Variants in SERPINC1 observed in about 807,000 individuals in gnomAD.
SERPINC1 encodes antithrombin-III.
SERPINC1 carries 12 observed loss-of-function variants against 43.4 expected under a neutral mutation model. The observed-to-expected ratio is 0.28, with a 90% CI of 0.18 to 0.45. The LOEUF (loss-of-function observed/expected upper bound fraction) is 0.45. SERPINC1 is among the 20% of genes least tolerant of loss of function. The pLI is 1.00. For synonymous variants in SERPINC1, 210 were observed against 218.9 expected (o/e 0.96, Z 0.36); for missense variants, 423 against 578.8 (o/e 0.73, Z 2.76).
rs1374621087 is a variant in SERPINC1, at chr1:173,904,072, G to A, written c.1219-7C>T. The A allele has an allele frequency of 6.2e-7, 1 of 1,613,906 alleles. No homozygotes were observed. The highest frequency in any genetic ancestry group is 8.5e-7 in the Non-Finnish European group (1 of 1,179,912). Reference sequence around the variant, plus strand: ...CACTGCCTTCTTCATTTACCTGCAGGTCACATGGGAAATAAAACTAAATTA... The same window carrying A: ...CACTGCCTTCTTCATTTACCTGCAGATCACATGGGAAATAAAACTAAATTA... On this transcript the variant is annotated splice_region_variant and splice_polypyrimidine_tract_variant and intron_variant, in intron 6 of 6. Transcript: ENST00000367698.
At chr1:173,904,466 A>G (rs1657402676) in intron 6 of SERPINC1, among the ~76,000 whole-genome samples, 1 of 152,198 alleles carries the variant, frequency 6.6e-6, no homozygotes, top group African/African-American at 2.4e-5. Flanking sequence ...TGGAGCATCA[A>G]GATCCAAGAT....
chr1:173,908,269 C>T (rs537706181), intron 5 of SERPINC1, among the ~76,000 whole-genome samples: 77 of 151,788 alleles, frequency 5.1e-4, no homozygotes, highest in African/African-American at 1.7e-3. Flanking sequence ...GCAGGTAGAT[C>T]GCCTGAGGTC....
chr1:173,906,374 CTTCTTTACTGTGGGACT>C (rs1217242266), intron 6 of SERPINC1, among the ~76,000 whole-genome samples: 3 of 152,248 alleles, frequency 2.0e-5, no homozygotes, highest in African/African-American at 7.2e-5. Flanking sequence ...ATTCAACCGT[CTTCTTTACTGTGGGACT>C]TGTCAGACCT....
At position 173,903,942 on chromosome 1, in the gene SERPINC1, G is replaced by A. The variant is rs376029223; in HGVS notation, c.1342C>T (p.Pro448Ser). ...CCCATGAAGATAATAGTGTTCAGAG[G>A]AACTTCTCTTATAAAAACCAGGAAA... ...RPFLVFIREV[P>S]LNTIIFMGRV... Residue 448 changes from proline to serine, a missense_variant, in exon 7 of 7, where the codon CCT becomes TCT. Coordinates refer to ENST00000367698, the MANE Select transcript of SERPINC1 (RefSeq NM_000488.4). The A allele has an allele frequency of 3.3e-5, 53 of 1,613,998 alleles. No individual in the cohort carries two copies. The highest frequency in any genetic ancestry group is 4.4e-5 in the Non-Finnish European group (52 of 1,180,002).
chr1:173,915,064 G>A (rs1314273640), intron 1 of SERPINC1, 145 bp from the exon 2 acceptor site: 3 of 1,518,716 alleles, frequency 2.0e-6, no homozygotes, highest in African/African-American at 1.4e-5. Context: ...CAAGTACAGG[G>A]GCCCGGGACA....
chr1:173,907,984 A>AAATAATGAT (rs1657594165), intron 5 of SERPINC1, among the ~76,000 whole-genome samples: 1 of 139,426 alleles, frequency 7.2e-6, no homozygotes, highest in Non-Finnish European at 1.5e-5. Flanking sequence ...TGCATCTCAA[A>AAATAATGAT]AATAATAATA....
chr1:173,914,789 G>A lies in SERPINC1; in HGVS notation c.172C>T (p.Pro58Ser). 6.2e-7 allele frequency: 1 copy of A among 1,614,118 alleles called. No homozygotes were observed. Among genetic ancestry groups the A allele is most frequent in the Non-Finnish European group, 8.5e-7 (1 of 1,179,948 alleles). ...TCATCCTCAGTTGCCTTCTTCTCCGGGGAGCGGTAAATGCACATGGGATTC... is the reference window on the plus strand; with the variant it reads ...TCATCCTCAGTTGCCTTCTTCTCCGAGGAGCGGTAAATGCACATGGGATTC... Reference protein sequence around the residue: ...PMNPMCIYRSPEKKATEDEGS... With the variant: ...PMNPMCIYRSSEKKATEDEGS... Residue 58 changes from proline (P) to serine (S), a missense_variant, in exon 2 of 7, where the codon CCG becomes TCG. Physicochemically the swap from Pro to Ser is moderately conservative, Grantham distance 74. Coordinates refer to ENST00000367698, the MANE Select transcript of SERPINC1 (RefSeq NM_000488.4).
At chr1:173,904,162 T>C in intron 6 of SERPINC1, 97 bp from the exon 7 acceptor site, 1 of 1,208,332 alleles carries the variant, frequency 8.3e-7, no homozygotes, top group Non-Finnish European at 1.2e-6. Context: ...TCAAATGCTT[T>C]TGTTTTCCAG....
chr1:173,905,309 C>G (rs1657447978), intron 6 of SERPINC1, among the ~76,000 whole-genome samples: 2 of 152,212 alleles, frequency 1.3e-5, no homozygotes, highest in South Asian at 4.1e-4. Context: ...TCTACTCTTG[C>G]TATTGTCTTA....
chr1:173,909,941 C>G lies in SERPINC1; in HGVS notation c.764G>C (p.Gly255Ala). The G allele has an allele frequency of 6.2e-7, 1 of 1,614,056 alleles. No individual in the cohort carries two copies. Residue 255 changes from glycine (G) to alanine (A), a missense_variant and splice_region_variant, in exon 5 of 7, where the codon GGC (glycine) becomes GCC (alanine). Physicochemically the swap from Gly to Ala is moderately conservative, Grantham distance 60 (BLOSUM62 0). Transcript: ENST00000367698. Reference protein sequence around the residue: ...LVLVNTIYFKGLWKSKFSPEN... With the variant: ...LVLVNTIYFKALWKSKFSPEN... ...AGGGCTGAACTTTGACTTCCACAGG[C>G]CCTGGAAGAGAATCACAAAGTAAGA... is the stretch of plus-strand genomic sequence containing the variant.
intron 2 of SERPINC1, among the ~76,000 whole-genome samples, chr1:173,913,267 C>T (rs1422565261): frequency 1.3e-5 from 2 of 152,176 alleles, no homozygotes; most frequent in African/African-American, 2.4e-5. Flanking sequence ...CTAGTGTTTC[C>T]ATCCATGACT....
Position 173,909,830 on chromosome 1 carries a change from T to A in SERPINC1, c.875A>T (p.Tyr292Phe), listed in dbSNP as rs759821949. The A allele has an allele frequency of 3.1e-6, 5 of 1,613,986 alleles. No homozygotes were observed. The highest frequency in any genetic ancestry group is 3.4e-6 in the Non-Finnish European group (4 of 1,179,948). ...SMMYQEGKFR[Y>F]RRVAEGTQVL... ...CTGGGTGCCTTCAGCCACGCGCCGA[T>A]AACGGAACTTGCCTTCCTGGTACAT... Residue 292 changes from tyrosine (Y) to phenylalanine (F), a missense_variant, in exon 5 of 7, where the codon TAT becomes TTT. Physicochemically the swap from Tyr to Phe is conservative, Grantham distance 22 (BLOSUM62 3). Coordinates refer to ENST00000367698, the MANE Select transcript of SERPINC1 (RefSeq NM_000488.4).
intron 6 of SERPINC1, among the ~76,000 whole-genome samples, chr1:173,904,378 G>T (rs993367188): frequency 6.6e-6 from 1 of 152,064 alleles, no homozygotes; most frequent in Non-Finnish European, 1.5e-5. Context: ...TTTTACAGCG[G>T]ATTTTTTTTG....
At chr1:173,916,815 G>C (rs1199145370) in intron 1 of SERPINC1, among the ~76,000 whole-genome samples, 6 of 152,188 alleles carry the variant, frequency 3.9e-5, no homozygotes, top group Non-Finnish European at 7.3e-5. Flanking sequence ...TGGGGGTGGA[G>C]TGGGGTGGAT....
intron 3 of SERPINC1, among the ~76,000 whole-genome samples, chr1:173,911,094 C>A (rs909268787): frequency 2.6e-5 from 4 of 151,530 alleles, no homozygotes; most frequent in African/African-American, 9.7e-5. Flanking sequence ...TAAATATTAT[C>A]AGAAGAAAAA....
At chr1:173,908,839 C>T (rs1657643832) in intron 5 of SERPINC1, among the ~76,000 whole-genome samples, 1 of 152,104 alleles carries the variant, frequency 6.6e-6, no homozygotes, top group Non-Finnish European at 1.5e-5. Flanking sequence ...GTATTACAGG[C>T]GTGAGCCACC....
At chr1:173,909,314 C>G (rs765981770) in intron 5 of SERPINC1, among the ~76,000 whole-genome samples, 2 of 152,196 alleles carry the variant, frequency 1.3e-5, no homozygotes, top group African/African-American at 4.8e-5. Flanking sequence ...CTGATACAGA[C>G]TCACAGGGCA....
At chr1:173,904,506 T>C (rs937469859) in intron 6 of SERPINC1, among the ~76,000 whole-genome samples, 1 of 152,192 alleles carries the variant, frequency 6.6e-6, no homozygotes, top group African/African-American at 2.4e-5. Flanking sequence ...ACTCAGGACC[T>C]AGGGCCTATG....
At chr1:173,906,907 C>CG (rs1657540287) in intron 6 of SERPINC1, among the ~76,000 whole-genome samples, 1 of 152,080 alleles carries the variant, frequency 6.6e-6, no homozygotes, top group African/African-American at 2.4e-5. Flanking sequence ...CACCTGAGAT[C>CG]GGGAGTTCAA....
Sources: gnomAD v4.1 joint callset for allele counts (sites outside exome capture counted in the v4.1 genomes callset) on GRCh38, gnomAD v4.1.1 for gene constraint, MANE v1.5 for transcripts, NCBI Gene and HGNC (gene_info 2026-07-23, HGNC 2026-07-21) for gene names.